CHCHD3: variants seen among roughly 807,000 people sequenced by gnomAD.
CHCHD3 encodes the protein coiled-coil-helix-coiled-coil-helix domain containing 3, also known as MICOS complex subunit MIC19.
Under a neutral mutation model 38.2 loss-of-function variants are expected in CHCHD3, and 20 were observed. The observed-to-expected ratio is 0.52, with a 90% confidence interval of 0.37 to 0.76. CHCHD3 has a LOEUF of 0.76. CHCHD3 is among the 30% of genes least tolerant of loss of function. The pLI, the probability that CHCHD3 is intolerant of heterozygous loss-of-function variation, is 0.00. For missense variants in CHCHD3, 245 were observed against 279.2 expected (o/e 0.88, Z 0.87); for synonymous variants, 82 against 100.0 (o/e 0.82, Z 1.07).
intron 5 of CHCHD3, chr7:132,849,400 T>A (rs889380765): frequency 2.6e-5 from 4 of 152,268 alleles, no homozygotes; most frequent in African/African-American, 9.6e-5. Context: ...TCCCTAAATT[T>A]CTGCTAATAA....
At chr7:132,795,057 C>G (rs577537571) in intron 7 of CHCHD3, among the ~76,000 whole-genome samples, 3 of 152,356 alleles carry the variant, frequency 2.0e-5, no homozygotes, top group South Asian at 2.1e-4. Flanking sequence ...GGGGTCAGCA[C>G]TCCCAATGCC....
At chr7:132,943,607 AT>A (rs1325192110) in intron 4 of CHCHD3, among the ~76,000 whole-genome samples, 1 of 152,136 alleles carries the variant, frequency 6.6e-6, no homozygotes, top group Middle Eastern at 3.2e-3. Context: ...AAAAGTACAA[AT>A]AAAGCAGTGA....
intron 4 of CHCHD3, among the ~76,000 whole-genome samples, chr7:132,911,779 C>T (rs1809957771): frequency 6.6e-6 from 1 of 152,152 alleles, no homozygotes; most frequent in South Asian, 2.1e-4. Context: ...TGTTTATTGC[C>T]CAAAGCAAGT....
intron 6 of CHCHD3, among the ~76,000 whole-genome samples, chr7:132,832,532 C>A (rs546711113): frequency 1.3e-5 from 2 of 152,246 alleles, no homozygotes; most frequent in East Asian, 3.9e-4. Context: ...AAAATAGAAA[C>A]TCGCCACTTC....
intron 3 of CHCHD3, among the ~76,000 whole-genome samples, chr7:132,987,244 C>T (rs78400543): frequency 0.019 from 2,840 of 152,180 alleles, 102 homozygotes; most frequent in African/African-American, 0.064. Flanking sequence ...TGGAAGAGAA[C>T]CCGGACAGAG....
chr7:132,825,395 C>T (rs1343059876), intron 6 of CHCHD3, among the ~76,000 whole-genome samples: 4 of 152,180 alleles, frequency 2.6e-5, no homozygotes, highest in Non-Finnish European at 5.9e-5. Context: ...AGTTCAAAGA[C>T]TTCAAAAACA....
intron 5 of CHCHD3, among the ~76,000 whole-genome samples, chr7:132,859,076 T>C (rs1299876799): frequency 4.6e-5 from 7 of 152,140 alleles, no homozygotes; most frequent in Non-Finnish European, 1.0e-4. Context: ...TGTATTAACG[T>C]ACTGATTTCC....
chr7:132,899,275 C>A (rs1477556328), intron 4 of CHCHD3, among the ~76,000 whole-genome samples: 4 of 152,174 alleles, frequency 2.6e-5, no homozygotes, highest in Admixed American at 2.6e-4. Flanking sequence ...TGCTGCAGGT[C>A]TGACACCAGC....
chr7:132,946,730 A>T (rs1033542638), intron 4 of CHCHD3, among the ~76,000 whole-genome samples: 2 of 151,918 alleles, frequency 1.3e-5, no homozygotes, highest in Non-Finnish European at 2.9e-5. Flanking sequence ...GCAAACTTGC[A>T]TCTTTATTAC....
intron 2 of CHCHD3, among the ~76,000 whole-genome samples, chr7:133,052,509 G>A (rs1045303219): frequency 6.6e-6 from 1 of 152,126 alleles, no homozygotes; most frequent in Non-Finnish European, 1.5e-5. Flanking sequence ...GCCAGCCCTG[G>A]GCAAAACAGC....
intron 2 of CHCHD3, among the ~76,000 whole-genome samples, chr7:133,038,991 T>C (rs575648878): frequency 2.6e-5 from 4 of 152,380 alleles, no homozygotes; most frequent in South Asian, 4.1e-4. Flanking sequence ...TGCTTGCTGT[T>C]TGGATTTACA....
intron 4 of CHCHD3, among the ~76,000 whole-genome samples, chr7:132,960,270 AGAG>A (rs1439089831): frequency 6.6e-6 from 1 of 151,998 alleles, no homozygotes; most frequent in African/African-American, 2.4e-5. Flanking sequence ...AAGAGAGGAG[AGAG>A]GAGAAGAGAG....
chr7:132,793,536 A>G (rs1434198417), intron 7 of CHCHD3, among the ~76,000 whole-genome samples: 1 of 152,250 alleles, frequency 6.6e-6, no homozygotes, highest in Non-Finnish European at 1.5e-5. Flanking sequence ...GTTGAAGAAC[A>G]GCTGAAGAAA....
chr7:133,016,471 T>C (rs114403120), intron 3 of CHCHD3, among the ~76,000 whole-genome samples: 1,944 of 152,294 alleles, frequency 0.013, 36 homozygotes, highest in African/African-American at 0.044. Context: ...AAGAATGGGA[T>C]ACAAAAGAAT....
chr7:132,819,680 C>T (rs1807295023), intron 6 of CHCHD3, among the ~76,000 whole-genome samples: 1 of 152,126 alleles, frequency 6.6e-6, no homozygotes, highest in Non-Finnish European at 1.5e-5. Context: ...CATAAACACA[C>T]AGGGAACAAT....
chr7:133,022,551 A>G (rs544263202), intron 3 of CHCHD3: 1 of 451,542 alleles, frequency 2.2e-6, no homozygotes, highest in Non-Finnish European at 4.4e-6. Flanking sequence ...GAACTATCAT[A>G]TAGATGAACA....
At chr7:132,793,254 C>G (rs1287846580) in intron 7 of CHCHD3, among the ~76,000 whole-genome samples, 1 of 152,088 alleles carries the variant, frequency 6.6e-6, no homozygotes, top group Non-Finnish European at 1.5e-5. Context: ...AACCAGGTAT[C>G]AAAGGTAAGA....
At chr7:132,817,182 T>G (rs1347858685) in intron 6 of CHCHD3, among the ~76,000 whole-genome samples, 1 of 152,050 alleles carries the variant, frequency 6.6e-6, no homozygotes, top group Non-Finnish European at 1.5e-5. Flanking sequence ...TTCATGTAAT[T>G]TTCCTGGGGT....
chr7:132,818,794 A>G (rs72607789), intron 6 of CHCHD3, among the ~76,000 whole-genome samples: 3,694 of 152,334 alleles, frequency 0.024, 352 homozygotes, highest in Admixed American at 0.17. Flanking sequence ...ATTCCCAATT[A>G]ATGACAAGTC....
Sources: allele counts gnomAD v4.1 joint callset (sites outside exome capture counted in the v4.1 genomes callset), GRCh38; gene constraint gnomAD v4.1.1; transcripts MANE v1.5; gene names NCBI Gene and HGNC (gene_info 2026-07-23, HGNC 2026-07-21).